The following FTCDNL1 variants were observed in gnomAD, a reference collection of about 807,000 sequenced individuals.
The protein encoded by FTCDNL1 is formiminotransferase cyclodeaminase N-terminal like, also known as formiminotransferase N-terminal subdomain-containing protein.
Under a neutral mutation model 5.9 loss-of-function variants are expected in FTCDNL1, and 11 were observed. That is an observed-to-expected ratio of 1.87 (90% CI 1.18 to 3.10). The LOEUF is 3.10. FTCDNL1 is among the 30% of genes most tolerant of loss of function. FTCDNL1 has a pLI of 0.00. For missense variants in FTCDNL1, 115 were observed against 65.5 expected (o/e 1.76, Z -2.61); for synonymous variants, 58 against 24.8 (o/e 2.34, Z -3.99).
the FTCDNL1 span, among the ~76,000 whole-genome samples, chr2:199,670,775 C>A: frequency 6.6e-6 from 1 of 152,132 alleles, no homozygotes; most frequent in East Asian, 1.9e-4. Context: ...CTAGAGCAGG[C>A]TGAGATGCAC....
the FTCDNL1 span, among the ~76,000 whole-genome samples, chr2:199,684,067 G>A: frequency 6.6e-6 from 1 of 152,150 alleles, no homozygotes; most frequent in Non-Finnish European, 1.5e-5. Flanking sequence ...GATGATGATG[G>A]GTAACTGTCT....
At chr2:199,702,416 C>G in the FTCDNL1 span, among the ~76,000 whole-genome samples, 1 of 152,120 alleles carries the variant, frequency 6.6e-6, no homozygotes, top group Non-Finnish European at 1.5e-5. Flanking sequence ...ACTCTTGCGA[C>G]CTTTGTAGGA....
chr2:199,678,917 T>C, the FTCDNL1 span, among the ~76,000 whole-genome samples: 1 of 152,154 alleles, frequency 6.6e-6, no homozygotes, highest in Non-Finnish European at 1.5e-5. Context: ...TCTGATTATT[T>C]CCTTGGGGTA....
At chr2:199,843,036 C>G (rs1276724456) in intron 3 of FTCDNL1, among the ~76,000 whole-genome samples, 1 of 151,784 alleles carries the variant, frequency 6.6e-6, no homozygotes, top group Non-Finnish European at 1.5e-5. Context: ...GTTAGAGCAT[C>G]AAAATAGTAA....
intron 3 of FTCDNL1, among the ~76,000 whole-genome samples, chr2:199,767,544 G>A (rs1698594118): frequency 6.6e-6 from 1 of 152,218 alleles, no homozygotes; most frequent in African/African-American, 2.4e-5. Context: ...TAAACCCCAA[G>A]GTGATGGTAT....
intron 3 of FTCDNL1, among the ~76,000 whole-genome samples, chr2:199,825,433 G>T (rs897870023): frequency 1.3e-5 from 2 of 152,200 alleles, no homozygotes; most frequent in Admixed American, 6.5e-5. Flanking sequence ...GCAAGATAAT[G>T]TTTAGGTAGT....
At chr2:199,671,501 T>C in the FTCDNL1 span, among the ~76,000 whole-genome samples, 1 of 152,156 alleles carries the variant, frequency 6.6e-6, no homozygotes, top group Non-Finnish European at 1.5e-5. Context: ...CCAAACTCTC[T>C]TACATATCCT....
At chr2:199,750,030 A>C in the FTCDNL1 span, among the ~76,000 whole-genome samples, 6 of 151,160 alleles carry the variant, frequency 4.0e-5, no homozygotes, top group Admixed American at 6.6e-5. Flanking sequence ...ATGTACCCCC[A>C]AAAATTAAAA....
At chr2:199,826,058 T>C (rs1702011432) in intron 3 of FTCDNL1, among the ~76,000 whole-genome samples, 2 of 152,228 alleles carry the variant, frequency 1.3e-5, no homozygotes, top group South Asian at 4.1e-4. Flanking sequence ...CCCAAAAACC[T>C]GTCCTACTAA....
chr2:199,737,550 T>G, the FTCDNL1 span, among the ~76,000 whole-genome samples: 1 of 152,350 alleles, frequency 6.6e-6, no homozygotes, highest in Non-Finnish European at 1.5e-5. Context: ...AAAACTTTCA[T>G]AGTGGTGCTA....
At chr2:199,804,385 G>A (rs4673491), downstream of FTCDNL1, among the ~76,000 whole-genome samples, 17,942 of 152,158 alleles carry the variant, frequency 0.12, 1,439 homozygotes, top group Non-Finnish European at 0.16. Flanking sequence ...GCTACACAAG[G>A]AAAGACAAGT....
At chr2:199,742,529 G>T in the FTCDNL1 span, among the ~76,000 whole-genome samples, 10 of 152,108 alleles carry the variant, frequency 6.6e-5, no homozygotes, top group African/African-American at 2.4e-4. Flanking sequence ...TCTTCTTAAA[G>T]TCTTGATGAT....
intron 3 of FTCDNL1, among the ~76,000 whole-genome samples, chr2:199,763,606 T>C (rs1026092795): frequency 1.3e-5 from 2 of 152,184 alleles, no homozygotes; most frequent in African/African-American, 4.8e-5. Context: ...CTGGTAGTCC[T>C]GTCCAGGGAT....
the FTCDNL1 span, among the ~76,000 whole-genome samples, chr2:199,747,721 A>G: frequency 6.6e-6 from 1 of 152,258 alleles, no homozygotes; most frequent in African/African-American, 2.4e-5. Context: ...AGTCGTCTGA[A>G]CCAGCAGAAT....
chr2:199,739,658 A>T, the FTCDNL1 span, among the ~76,000 whole-genome samples: 24 of 152,336 alleles, frequency 1.6e-4, no homozygotes, highest in African/African-American at 5.3e-4. Context: ...AACCAAAACA[A>T]AAAACCCAGT....
chr2:199,697,311 C>G, the FTCDNL1 span, among the ~76,000 whole-genome samples: 2 of 151,690 alleles, frequency 1.3e-5, no homozygotes, highest in Admixed American at 6.6e-5. Flanking sequence ...TATGACTATC[C>G]CCAAGACACA....
At chr2:199,784,842 G>T (rs781618419) in intron 3 of FTCDNL1, among the ~76,000 whole-genome samples, 13 of 152,130 alleles carry the variant, frequency 8.5e-5, no homozygotes, top group Non-Finnish European at 1.2e-4. Context: ...GGGGAAACAG[G>T]GGCTTCTAGA....
In FTCDNL1 at chr2:199,828,704, T is replaced by C. The variant is rs143272438; in HGVS notation, c.212-8947A>G. ...CTTGTATTAAATAATCTTGAGCTTT[T>C]GTTTTCCATTCTGAGTTTCAAAATC... On this transcript the variant is annotated intron_variant, in intron 3 of 4. Transcript: ENST00000420128. Among the ~76,000 whole-genome samples the C allele has an allele frequency of 2.6e-3, 392 of 152,344 alleles. 5 individuals are homozygous for C. Among genetic ancestry groups the C allele is most frequent in the African/African-American group, 8.9e-3 (372 of 41,588 alleles).
chr2:199,775,784 AGGCTC>A (rs999050104), intron 3 of FTCDNL1, among the ~76,000 whole-genome samples: 5 of 152,232 alleles, frequency 3.3e-5, no homozygotes, highest in African/African-American at 1.2e-4. Context: ...TATAGGTTCC[AGGCTC>A]GGTACTAATC....
Sources: gnomAD v4.1 joint callset for allele counts (sites outside exome capture counted in the v4.1 genomes callset) on GRCh38, gnomAD v4.1.1 for gene constraint, MANE v1.5 for transcripts, NCBI Gene and HGNC (gene_info 2026-07-23, HGNC 2026-07-21) for gene names.